Variants in RANBP2 observed in about 807,000 individuals in gnomAD.
RANBP2 encodes the protein RAN binding protein 2, also known as E3 SUMO-protein ligase RanBP2.
A neutral mutation model predicts 303.6 loss-of-function variants in RANBP2; 57 were observed. The observed-to-expected ratio is 0.19, with a 90% CI of 0.15 to 0.23. The LOEUF is 0.23. Ranked by LOEUF, RANBP2 falls within the 10% of genes least tolerant of loss-of-function variation. The pLI, the probability that RANBP2 is intolerant of heterozygous loss-of-function variation, is 1.00. For synonymous variants in RANBP2, 1,167 were observed against 1,301.5 expected (o/e 0.90, Z 2.23); for missense variants, 3,138 against 3,780.8 (o/e 0.83, Z 4.46).
the RANBP2 span, among the ~76,000 whole-genome samples, chr2:109,363,357 C>T: frequency 0.018 from 2,747 of 152,158 alleles, 80 homozygotes; most frequent in African/African-American, 0.057. Context: ...CAAAATAATA[C>T]TTATTTCTCC....
intron 7 of RANBP2, among the ~76,000 whole-genome samples, chr2:108,743,304 T>C (rs1573742804): frequency 6.6e-6 from 1 of 152,124 alleles, no homozygotes; most frequent in East Asian, 1.9e-4. Context: ...GCAGAGTCTC[T>C]TGTTGCTCTG....
At position 108,758,544 on chromosome 2, in the gene RANBP2, A is replaced by C; in HGVS notation, c.2598A>C (p.Leu866=). 6.2e-7 allele frequency: 1 copy of C among 1,611,212 alleles called. No homozygotes were observed. The highest frequency in any genetic ancestry group is 8.5e-7 in the Non-Finnish European group (1 of 1,179,688). The change falls in exon 18 of 29, where the codon CTA becomes CTC. Residue 866 remains leucine, a synonymous_variant. Transcript: ENST00000283195. ...CACAGACATTTCATGGGGCTCCACTAACAGGTGAGCTGGCAAGTGGATAAT... is the reference window on the plus strand; with the variant it reads ...CACAGACATTTCATGGGGCTCCACTCACAGGTGAGCTGGCAAGTGGATAAT... ...QGSQTFHGAP[L]TVATTGPSVY...
intron 26 of RANBP2, among the ~76,000 whole-genome samples, chr2:108,781,731 TA>T (rs1678269720): frequency 6.6e-6 from 1 of 152,212 alleles, no homozygotes; most frequent in African/African-American, 2.4e-5. Context: ...TCATACTCAC[TA>T]AAGTCCTTTC....
At chr2:109,447,741 A>G in the RANBP2 span, among the ~76,000 whole-genome samples, 52 of 152,334 alleles carry the variant, frequency 3.4e-4, no homozygotes, top group African/African-American at 1.3e-3. Flanking sequence ...ACTAACACAC[A>G]TAGTAGCAGG....
chr2:108,763,289 A>G lies in RANBP2; in HGVS notation c.2750A>G (p.Tyr917Cys), dbSNP rs1470884288. The change falls in exon 20 of 29, where the codon TAT becomes TGT. Residue 917 changes from tyrosine (Y) to cysteine (C), a missense_variant. This residue lies in a region of RANBP2 where 403 missense variants were observed against 376.7 expected (regional missense o/e 1.07). Transcript: ENST00000283195. ...RLPPQQHIYA[Y>C]PQQMHTPPVQ... is the part of the protein sequence containing the mutation. Reference sequence around the variant, plus strand: ...CCACCCCAACAGCATATTTATGCCTATCCGCAACAGATGCACACACCGCCA... The same window carrying G: ...CCACCCCAACAGCATATTTATGCCTGTCCGCAACAGATGCACACACCGCCA... 1.9e-6 allele frequency: 3 copies of G among 1,613,926 alleles called. No individual in the cohort carries two copies. Among genetic ancestry groups the G allele is most frequent in the Non-Finnish European group, 2.5e-6 (3 of 1,179,958 alleles).
chr2:108,898,022 A>G, the RANBP2 span, among the ~76,000 whole-genome samples: 1 of 152,200 alleles, frequency 6.6e-6, no homozygotes, highest in Non-Finnish European at 1.5e-5. Flanking sequence ...AATAATAGCA[A>G]CCACAGACAA....
the RANBP2 span, among the ~76,000 whole-genome samples, chr2:108,814,355 A>G: frequency 6.6e-6 from 1 of 152,084 alleles, no homozygotes; most frequent in African/African-American, 2.4e-5. Flanking sequence ...TCATTTTGAT[A>G]TTTTGATAAA....
chr2:109,688,084 A>G, the RANBP2 span, among the ~76,000 whole-genome samples: 1 of 152,110 alleles, frequency 6.6e-6, no homozygotes, highest in African/African-American at 2.4e-5. Flanking sequence ...GGGTCTTGGG[A>G]CCAGCAATGC....
chr2:109,574,526 AAC>A, the RANBP2 span: 3 of 1,093,978 alleles, frequency 2.7e-6, no homozygotes, highest in Non-Finnish European at 3.7e-6. Context: ...AAAATATTTT[AAC>A]AGTTAAAAAT....
the RANBP2 span, among the ~76,000 whole-genome samples, chr2:109,368,332 C>T: frequency 6.6e-6 from 1 of 152,168 alleles, no homozygotes; most frequent in African/African-American, 2.4e-5. Context: ...GAAATACATT[C>T]CCCAGTTCAA....
chr2:109,349,315 C>G, the RANBP2 span, among the ~76,000 whole-genome samples: 13 of 152,190 alleles, frequency 8.5e-5, no homozygotes, highest in Non-Finnish European at 1.3e-4. Flanking sequence ...GGATTCAACT[C>G]CTTCTCCCTT....
chr2:108,922,549 G>A, the RANBP2 span, among the ~76,000 whole-genome samples: 1 of 152,136 alleles, frequency 6.6e-6, no homozygotes, highest in Admixed American at 6.5e-5. Context: ...TCTTTCCAGC[G>A]TGATAAGACG....
the RANBP2 span, chr2:109,491,014 G>A: frequency 4.6e-6 from 6 of 1,315,924 alleles, no homozygotes; most frequent in Non-Finnish European, 5.9e-6. Flanking sequence ...CGGGGAGCAG[G>A]GACACTGTGG....
At chr2:108,738,314 A>T (rs1164136218) in intron 6 of RANBP2, among the ~76,000 whole-genome samples, 1 of 151,414 alleles carries the variant, frequency 6.6e-6, no homozygotes, top group Non-Finnish European at 1.5e-5. Context: ...TGACCTTGTG[A>T]TCCGCCCGCC....
the RANBP2 span, among the ~76,000 whole-genome samples, chr2:109,033,074 T>G: frequency 6.6e-6 from 1 of 152,224 alleles, no homozygotes; most frequent in Non-Finnish European, 1.5e-5. Context: ...CAGGCCTTAG[T>G]ATGATCCATG....
chr2:109,027,414 T>C, the RANBP2 span, among the ~76,000 whole-genome samples: 1 of 151,994 alleles, frequency 6.6e-6, no homozygotes, highest in African/African-American at 2.4e-5. Context: ...TTTGAAGCCA[T>C]AAGGAAAGAC....
At chr2:109,128,959 G>T in the RANBP2 span, 1 of 418,108 alleles carries the variant, frequency 2.4e-6, no homozygotes, top group Non-Finnish European at 4.8e-6. Context: ...CGCAGTGACC[G>T]TGACCTCCGC....
At chr2:109,371,588 C>T in the RANBP2 span, 103 of 1,613,698 alleles carry the variant, frequency 6.4e-5, no homozygotes, top group South Asian at 1.9e-4. Flanking sequence ...AACTGCAGGA[C>T]GAGATTCTGA....
the RANBP2 span, among the ~76,000 whole-genome samples, chr2:108,931,958 A>G: frequency 7.9e-5 from 12 of 152,270 alleles, 1 homozygote; most frequent in South Asian, 2.5e-3. Flanking sequence ...AACCTTCCAG[A>G]ATCAACCACT....
Sources: allele counts gnomAD v4.1 joint callset (sites outside exome capture counted in the v4.1 genomes callset), GRCh38; gene constraint gnomAD v4.1.1; regional missense constraint gnomAD v4.1.1; transcripts MANE v1.5; gene names NCBI Gene and HGNC (gene_info 2026-07-23, HGNC 2026-07-21).